The following KLHDC7A variants were observed in gnomAD, a reference collection of about 807,000 sequenced individuals.
The protein encoded by KLHDC7A is kelch domain-containing protein 7A.
For synonymous variants in KLHDC7A, 464 were observed against 461.0 expected, an observed-to-expected ratio of 1.01 and a Z score of -0.08; for missense variants, 1,123 against 1,052.6, an observed-to-expected ratio of 1.07 and a Z score of -0.93.
In KLHDC7A at chr1:18,481,304, C is replaced by A; in HGVS notation, c.323C>A (p.Thr108Lys). 1 of 1,585,476 alleles carries A rather than the reference C, an allele frequency of 6.3e-7. No homozygotes were observed. Among genetic ancestry groups the A allele is most frequent in the South Asian group, 1.2e-5 (1 of 86,224 alleles). Residue 108 changes from threonine (T) to lysine (K), a missense_variant, in exon 1 of 1, where the codon ACG becomes AAG. Coordinates refer to ENST00000400664, the MANE Select transcript of KLHDC7A (RefSeq NM_152375.3). ...ENPRGPYVLVTGATSTDRKPQ... is the reference protein window; with the variant it reads ...ENPRGPYVLVKGATSTDRKPQ... ...CCAAGAGGCCCCTATGTCCTGGTCACGGGGGCCACTTCCACAGACAGGAAG... is the reference window on the plus strand; with the variant it reads ...CCAAGAGGCCCCTATGTCCTGGTCAAGGGGGCCACTTCCACAGACAGGAAG...
rs115859684 is a variant in KLHDC7A at position 18,481,735 on chromosome 1, C to G, written c.754C>G (p.Gln252Glu). The G allele has an allele frequency of 1.2e-6, 2 of 1,613,904 alleles. No homozygotes were observed. The highest frequency in any genetic ancestry group is 2.7e-5 in the African/African-American group (2 of 74,920). Residue 252 changes from glutamine to glutamate, a missense_variant, in exon 1 of 1, where the codon CAG becomes GAG. Transcript: ENST00000400664. ...CGATGTTGACCTGACCCTGCATCAG[C>G]AGGAGGGCGCCCCCAACTCCTCCTA... ...ASDVDLTLHQ[Q>E]EGAPNSSYTF...
Position 18,483,665 on chromosome 1 carries a change from C to T in KLHDC7A, c.*350C>T, listed in dbSNP as rs369831191. On this transcript the variant is annotated 3_prime_UTR_variant, in exon 1 of 1. Coordinates refer to ENST00000400664, the MANE Select transcript of KLHDC7A (RefSeq NM_152375.3). ...AGGGGGCATAGTCTTTTTGCAATCA[C>T]AATTCTAGGAGCCAGTTGACCCCAG... 1.8e-5 allele frequency: 22 copies of T among 1,212,168 alleles called. No individual in the cohort carries two copies. In the Middle Eastern group the frequency reaches 1.1e-3, roughly 60 times the overall value. 75.1% of individuals were successfully genotyped at this position (1,212,168 alleles called of 1,614,324 possible). A position where few individuals can be genotyped will look rare whatever the true frequency, so the allele number is the denominator to read the frequency against.
In KLHDC7A at chr1:18,482,992, G is replaced by GA; in HGVS notation, c.2012dup (p.Met672AspfsTer12). 6.2e-7 allele frequency: 1 copy of GA among 1,613,168 alleles called. No individual in the cohort carries two copies. The highest frequency in any genetic ancestry group is 8.5e-7 in the Non-Finnish European group (1 of 1,179,916). On this transcript the variant is annotated frameshift_variant, in exon 1 of 1. Transcript: ENST00000400664. LOFTEE classifies it low-confidence loss of function (END_TRUNC). The stretch of plus-strand genomic sequence containing the variant: ...CGGGGGCAGCAAGGACCGCACGGCC[G>GA]AGATGGTGGCGGTCAACGGCTTTCT...
At position 18,484,047 on chromosome 1, in the gene KLHDC7A, A is replaced by G. The variant is rs1256360649; in HGVS notation, c.*732A>G. 7.7e-7 allele frequency: 1 copy of G among 1,303,834 alleles called. No homozygotes were observed. The highest frequency in any genetic ancestry group is 5.6e-5 in the East Asian group (1 of 18,016). 80.8% of individuals were successfully genotyped at this position (1,303,834 alleles called of 1,614,324 possible). ...TCTGGTGGAGGTCTGCTAAGGATACACGGAGGTCTCAGCAAAGGGAAGAAA... is the reference window on the plus strand; with the variant it reads ...TCTGGTGGAGGTCTGCTAAGGATACGCGGAGGTCTCAGCAAAGGGAAGAAA... On this transcript the variant is annotated 3_prime_UTR_variant, in exon 1 of 1. Coordinates refer to ENST00000400664, the MANE Select transcript of KLHDC7A (RefSeq NM_152375.3).
chr1:18,482,824 G>T lies in KLHDC7A; in HGVS notation c.1843G>T (p.Ala615Ser), dbSNP rs758552513. The change falls in exon 1 of 1, where the codon GCC becomes TCC. Residue 615 changes from alanine (A) to serine (S), a missense_variant. Coordinates refer to ENST00000400664, the MANE Select transcript of KLHDC7A (RefSeq NM_152375.3). Reference sequence around the variant, plus strand: ...CCCCCGCCTGGACCGCTGGGACTTTGCCCCGCCGCTCCCCAGTGACACGTT... The same window carrying T: ...CCCCCGCCTGGACCGCTGGGACTTTTCCCCGCCGCTCCCCAGTGACACGTT... ...YDPRLDRWDF[A>S]PPLPSDTFAL... 13 of 1,609,278 alleles carry T rather than the reference G, an allele frequency of 8.1e-6. No homozygotes were observed. The South Asian group carries it at 1.4e-4, about 18-fold the overall frequency.
chr1:18,483,520 G>A lies in KLHDC7A; in HGVS notation c.*205G>A. 7.0e-7 allele frequency: 1 copy of A among 1,435,138 alleles called. No individual in the cohort carries two copies. Among genetic ancestry groups the A allele is most frequent in the East Asian group, 2.5e-5 (1 of 39,280 alleles). 88.9% of individuals were successfully genotyped at this position (1,435,138 alleles called of 1,614,324 possible). A position where few individuals can be genotyped will look rare whatever the true frequency, so the allele number is the denominator to read the frequency against. ...CTTCATGGGCTGCAGAGGCCCCACT[G>A]CAGAAAAGAGGACCAGGAGCTGGTG... On this transcript the variant is annotated 3_prime_UTR_variant, in exon 1 of 1. Coordinates refer to ENST00000400664, the MANE Select transcript of KLHDC7A (RefSeq NM_152375.3).
rs1057335497 is a variant in KLHDC7A, at chr1:18,482,799, C to A, written c.1818C>A (p.Asp606Glu). The A allele has an allele frequency of 3.7e-6, 6 of 1,609,256 alleles. No individual in the cohort carries two copies. Among genetic ancestry groups the A allele is most frequent in the Non-Finnish European group, 5.1e-6 (6 of 1,178,238 alleles). Residue 606 changes from aspartate (D) to glutamate (E), a missense_variant, in exon 1 of 1, where the codon GAC (aspartate) becomes GAA (glutamate). Physicochemically the swap from Asp to Glu is conservative, Grantham distance 45 (BLOSUM62 2). Coordinates refer to ENST00000400664, the MANE Select transcript of KLHDC7A (RefSeq NM_152375.3). ...GTCTGAACTCGGTGGAGCGTTACGA[C>A]CCCCGCCTGGACCGCTGGGACTTTG... ...GECLNSVERYDPRLDRWDFAP... is the reference protein window; with the variant it reads ...GECLNSVERYEPRLDRWDFAP...
chr1:18,482,426 T>A lies in KLHDC7A; in HGVS notation c.1445T>A (p.Leu482Gln), dbSNP rs2086901029. ...YGCLSGAERE[L>Q]ILQRRLRGRQ... is the part of the protein sequence containing the mutation. ...TGCCTGAGCGGGGCAGAGCGCGAGCTGATCCTGCAGCGCCGGCTCCGGGGC... is the reference window on the plus strand; with the variant it reads ...TGCCTGAGCGGGGCAGAGCGCGAGCAGATCCTGCAGCGCCGGCTCCGGGGC... The change falls in exon 1 of 1, where the codon CTG (leucine) becomes CAG (glutamine). Residue 482 changes from leucine to glutamine, a missense_variant. Transcript: ENST00000400664. 3.7e-6 allele frequency: 6 copies of A among 1,609,348 alleles called. No homozygotes were observed. In the East Asian group the frequency reaches 1.1e-4, roughly 30 times the overall value.
rs1325122644 is a variant in KLHDC7A at position 18,482,226 on chromosome 1, C to T, written c.1245C>T (p.Phe415=). Residue 415 remains phenylalanine (F), a synonymous_variant, in exon 1 of 1, where the codon TTC becomes TTT. Coordinates refer to ENST00000400664, the MANE Select transcript of KLHDC7A (RefSeq NM_152375.3). ...TGCAGCCGGTGGCCGGGACCAATTTCTTCCATATCCCGCTCACCCCTGCTT... is the reference window on the plus strand; with the variant it reads ...TGCAGCCGGTGGCCGGGACCAATTTTTTCCATATCCCGCTCACCCCTGCTT... ...PHVQPVAGTN[F]FHIPLTPASA... 1.2e-6 allele frequency: 2 copies of T among 1,608,376 alleles called. No individual in the cohort carries two copies. Among genetic ancestry groups the T allele is most frequent in the Admixed American group, 3.3e-5 (2 of 60,024 alleles).
rs1557445798 is a variant in KLHDC7A, at chr1:18,482,755, T to TA, written c.1775dup (p.Tyr592Ter). Residue 592 changes from tyrosine (Y) to a stop codon, truncating the protein, a stop_gained and frameshift_variant, in exon 1 of 1, where the codon TAT becomes TAAT. Transcript: ENST00000400664. LOFTEE classifies it low-confidence loss of function (END_TRUNC). ...GCTGGTGGCCCTGGACGGGCACCTGTATGCCATCGGCGGAGAGTGTCTGAA... is the reference window on the plus strand; with the variant it reads ...GCTGGTGGCCCTGGACGGGCACCTGTAATGCCATCGGCGGAGAGTGTCTGAA... ...CRLVALDGHL[Y>*]AIGGECLNSV... is the part of the protein sequence containing the mutation. 1 of 1,610,828 alleles carries TA rather than the reference T, an allele frequency of 6.2e-7. No individual in the cohort carries two copies. The highest frequency in any genetic ancestry group is 8.5e-7 in the Non-Finnish European group (1 of 1,179,358).
In KLHDC7A at chr1:18,483,874, T is replaced by C; in HGVS notation, c.*559T>C. The C allele has an allele frequency of 7.8e-7, 1 of 1,282,560 alleles. No individual in the cohort carries two copies. Among genetic ancestry groups the C allele is most frequent in the Admixed American group, 2.4e-5 (1 of 40,988 alleles). 79.4% of individuals were successfully genotyped at this position (1,282,560 alleles called of 1,614,324 possible). A position where few individuals can be genotyped will look rare whatever the true frequency, so the allele number is the denominator to read the frequency against. On this transcript the variant is annotated 3_prime_UTR_variant, in exon 1 of 1. Coordinates refer to ENST00000400664, the MANE Select transcript of KLHDC7A (RefSeq NM_152375.3). ...GGAGCCGAGGGAGCCCCAGGGGCCC[T>C]GGCCAGAGGGAGTGGTGGTTTGAAA...
At position 18,483,982 on chromosome 1, in the gene KLHDC7A, T is replaced by C. The variant is rs1327999143; in HGVS notation, c.*667T>C. Reference sequence around the variant, plus strand: ...CCAAAGCCCACATTACTTTTCTCCTTATTGGAAGAAAGAGAAGCAGCCATT... The same window carrying C: ...CCAAAGCCCACATTACTTTTCTCCTCATTGGAAGAAAGAGAAGCAGCCATT... On this transcript the variant is annotated 3_prime_UTR_variant, in exon 1 of 1. Coordinates refer to ENST00000400664, the MANE Select transcript of KLHDC7A (RefSeq NM_152375.3). The C allele has an allele frequency of 7.7e-7, 1 of 1,304,224 alleles. No homozygotes were observed. Among genetic ancestry groups the C allele is most frequent in the Non-Finnish European group, 1.0e-6 (1 of 988,920 alleles). 80.8% of individuals were successfully genotyped at this position (1,304,224 alleles called of 1,614,324 possible). A position where few individuals can be genotyped will look rare whatever the true frequency, so the allele number is the denominator to read the frequency against.
Position 18,482,823 on chromosome 1 carries a change from T to C in KLHDC7A, c.1842T>C (p.Phe614=), listed in dbSNP as rs1211685832. The part of the protein sequence containing the change: ...RYDPRLDRWD[F]APPLPSDTFA... ...ACCCCCGCCTGGACCGCTGGGACTTTGCCCCGCCGCTCCCCAGTGACACGT... is the reference window on the plus strand; with the variant it reads ...ACCCCCGCCTGGACCGCTGGGACTTCGCCCCGCCGCTCCCCAGTGACACGT... Residue 614 remains phenylalanine (F), a synonymous_variant, in exon 1 of 1, where the codon TTT becomes TTC. Transcript: ENST00000400664. 3 of 1,609,936 alleles carry C rather than the reference T, an allele frequency of 1.9e-6. No homozygotes were observed. The South Asian group carries it at 3.3e-5, about 18-fold the overall frequency.
Position 18,483,471 on chromosome 1 carries a change from G to A in KLHDC7A, c.*156G>A. The A allele has an allele frequency of 6.9e-7, 1 of 1,458,848 alleles. No individual in the cohort carries two copies. The highest frequency in any genetic ancestry group is 9.1e-7 in the Non-Finnish European group (1 of 1,104,652). The allele number at this position is 1,458,848 out of a possible 1,614,324, so 90.4% of individuals were successfully genotyped here. On this transcript the variant is annotated 3_prime_UTR_variant, in exon 1 of 1. Coordinates refer to ENST00000400664, the MANE Select transcript of KLHDC7A (RefSeq NM_152375.3). ...CTTTCTCCTCCCCTAGCTGGGGAGA[G>A]AGGGATCTTAGATGAGTCTTACCCT...
In KLHDC7A at chr1:18,482,058, C is replaced by T; in HGVS notation, c.1077C>T (p.Gly359=). ...CAGGGCCGTGGCCCTCCACCCGAGG[C>T]TTCAGCCGGAAGGAGAGCCTTCTGC... ...PQTGPWPSTR[G]FSRKESLLQI... is the part of the protein sequence containing the mutation. Residue 359 remains glycine, a synonymous_variant, in exon 1 of 1, where the codon GGC becomes GGT. Coordinates refer to ENST00000400664, the MANE Select transcript of KLHDC7A (RefSeq NM_152375.3). 1 of 1,612,708 alleles carries T rather than the reference C, an allele frequency of 6.2e-7. No homozygotes were observed. Among genetic ancestry groups the T allele is most frequent in the Non-Finnish European group, 8.5e-7 (1 of 1,179,834 alleles).
Position 18,484,237 on chromosome 1 carries a change from G to A in KLHDC7A, c.*922G>A, listed in dbSNP as rs1018911776. The A allele has an allele frequency of 1.1e-5, 4 of 378,376 alleles. No homozygotes were observed. The highest frequency in any genetic ancestry group is 4.3e-5 in the African/African-American group (2 of 46,936). The allele number at this position is 378,376 out of a possible 1,614,324, so 23.4% of individuals were successfully genotyped here. On this transcript the variant is annotated 3_prime_UTR_variant, in exon 1 of 1. Coordinates refer to ENST00000400664, the MANE Select transcript of KLHDC7A (RefSeq NM_152375.3). ...AATTTGCCCTCCTTGTGCCAGGTACGGTCACCTGGTTTGCCGCATTCACAT... is the reference window on the plus strand; with the variant it reads ...AATTTGCCCTCCTTGTGCCAGGTACAGTCACCTGGTTTGCCGCATTCACAT...
At position 18,484,163 on chromosome 1, in the gene KLHDC7A, C is replaced by A. The variant is rs2086919092; in HGVS notation, c.*848C>A. ...CTCAGATCTGTAGCCGTCTTCCTGT[C>A]TGGAAGCTGGGGCAACCACCACCAG... On this transcript the variant is annotated 3_prime_UTR_variant, in exon 1 of 1. Transcript: ENST00000400664. 1.4e-6 allele frequency: 1 copy of A among 707,164 alleles called. No individual in the cohort carries two copies. The allele number at this position is 707,164 out of a possible 1,614,324, so 43.8% of individuals were successfully genotyped here.
chr1:18,481,243 C>A lies in KLHDC7A; in HGVS notation c.262C>A (p.Arg88=), dbSNP rs748424551. 1.3e-6 allele frequency: 2 copies of A among 1,582,748 alleles called. No individual in the cohort carries two copies. The highest frequency in any genetic ancestry group is 1.2e-5 in the South Asian group (1 of 86,242). The change falls in exon 1 of 1, where the codon CGG becomes AGG. Residue 88 remains arginine, a synonymous_variant. Transcript: ENST00000400664. Reference sequence around the variant, plus strand: ...GCCAAGACGTCGGAGGAGCAGCAAGCGGGCTGAAGCACCACAGGGCTGCAG... The same window carrying A: ...GCCAAGACGTCGGAGGAGCAGCAAGAGGGCTGAAGCACCACAGGGCTGCAG... ...RGPRRRRSSK[R]AEAPQGCSCE... is the part of the protein sequence containing the mutation.
chr1:18,482,522 A>G lies in KLHDC7A; in HGVS notation c.1541A>G (p.Glu514Gly). The G allele has an allele frequency of 6.2e-7, 1 of 1,612,220 alleles. No homozygotes were observed. Among genetic ancestry groups the G allele is most frequent in the Non-Finnish European group, 8.5e-7 (1 of 1,179,930 alleles). Residue 514 changes from glutamate to glycine, a missense_variant, in exon 1 of 1, where the codon GAG (glutamate) becomes GGG (glycine). Physicochemically the swap from Glu to Gly is moderately conservative, Grantham distance 98. Transcript: ENST00000400664. Reference protein sequence around the residue: ...DSGGLCCYDDEQDVWRPLARM... With the variant: ...DSGGLCCYDDGQDVWRPLARM... ...GGCGGCCTCTGTTGCTATGACGATG[A>G]GCAGGATGTCTGGCGCCCGCTGGCT...
Sources: gnomAD v4.1 joint callset for allele counts on GRCh38, gnomAD v4.1.1 for gene constraint, MANE v1.5 for transcripts, NCBI Gene and HGNC (gene_info 2026-07-23, HGNC 2026-07-21) for gene names.